The following VPS13B variants were observed in gnomAD, a reference collection of about 807,000 sequenced individuals.
The protein encoded by VPS13B is intermembrane lipid transfer protein VPS13B.
A neutral mutation model predicts 426.4 loss-of-function variants in VPS13B; 285 were observed. The observed-to-expected ratio is 0.67, with a 90% CI of 0.61 to 0.74. The LOEUF is 0.74. Ranked by LOEUF, VPS13B falls within the 30% of genes least tolerant of loss-of-function variation. The probability of loss-of-function intolerance (pLI) is 0.00; values close to 1 mark genes in which losing one functional copy is unlikely to be tolerated. For synonymous variants in VPS13B, 1,676 were observed against 1,676.4 expected (o/e 1.00, Z 0.01); for missense variants, 4,537 against 4,782.6 (o/e 0.95, Z 1.51).
rs1460610209 is a variant in VPS13B, at chr8:99,221,662, A to AT, written c.2515+28613dup. Among the ~76,000 whole-genome samples, 6 of 151,934 alleles carry AT rather than the reference A, an allele frequency of 3.9e-5. No individual in the cohort carries two copies. In the East Asian group the frequency reaches 1.2e-3, roughly 29 times the overall value. On this transcript the variant is annotated intron_variant, in intron 17 of 61. Transcript: ENST00000357162. ...CTCAGAGTTTTAAAACTTCTTTGAA[A>AT]TTTTTTTTGGTGGCCAATTTTGCAG...
chr8:99,494,145 G>T (rs971084763), intron 25 of VPS13B, among the ~76,000 whole-genome samples: 1 of 151,730 alleles, frequency 6.6e-6, no homozygotes, highest in Non-Finnish European at 1.5e-5. Flanking sequence ...TTTTGTTGTG[G>T]TACAATATAC....
At chr8:99,273,409 G>A (rs541265174) in intron 17 of VPS13B, among the ~76,000 whole-genome samples, 5 of 151,608 alleles carry the variant, frequency 3.3e-5, no homozygotes, top group Admixed American at 1.3e-4. Flanking sequence ...CTCGTGATCC[G>A]CTTGCCTAGG....
chr8:99,323,551 T>G (rs1810094083), intron 19 of VPS13B, among the ~76,000 whole-genome samples: 1 of 152,182 alleles, frequency 6.6e-6, no homozygotes, highest in Admixed American at 6.6e-5. Flanking sequence ...AACAAGGAAT[T>G]GAACCAATAT....
chr8:99,589,402 G>C (rs565602899), intron 33 of VPS13B, among the ~76,000 whole-genome samples: 1 of 151,298 alleles, frequency 6.6e-6, no homozygotes, highest in Non-Finnish European at 1.5e-5. Context: ...TCCCCTTCCT[G>C]TGTCCATGTG....
intron 33 of VPS13B, among the ~76,000 whole-genome samples, chr8:99,581,480 G>A (rs1391278343): frequency 6.6e-6 from 1 of 152,034 alleles, no homozygotes; most frequent in Admixed American, 6.6e-5. Flanking sequence ...GTTTTAGATG[G>A]GGTGAGGCCA....
At chr8:99,296,391 A>T (rs1384817185) in intron 19 of VPS13B, among the ~76,000 whole-genome samples, 3 of 152,184 alleles carry the variant, frequency 2.0e-5, no homozygotes, top group Non-Finnish European at 4.4e-5. Context: ...GAAGTACTAC[A>T]TATTTATATA....
intron 17 of VPS13B, among the ~76,000 whole-genome samples, chr8:99,203,175 G>A (rs1489924174): frequency 1.3e-5 from 2 of 152,068 alleles, no homozygotes; most frequent in Admixed American, 6.5e-5. Flanking sequence ...CGATCAAGTC[G>A]GCTTCATCCC....
intron 35 of VPS13B, among the ~76,000 whole-genome samples, chr8:99,682,267 C>G (rs1331215758): frequency 1.3e-5 from 2 of 152,190 alleles, no homozygotes; most frequent in Middle Eastern, 3.4e-3. Flanking sequence ...GAGTTTGAGA[C>G]CAACCTAACC....
chr8:99,430,050 A>G (rs574659262), intron 21 of VPS13B, among the ~76,000 whole-genome samples: 2 of 152,274 alleles, frequency 1.3e-5, no homozygotes, highest in East Asian at 3.9e-4. Flanking sequence ...TTTTTGTTTC[A>G]TCTGACTACT....
intron 17 of VPS13B, among the ~76,000 whole-genome samples, chr8:99,244,528 T>C (rs1382788609): frequency 1.3e-5 from 2 of 152,196 alleles, no homozygotes. Context: ...CTACCATGGT[T>C]ACAGAACAAA....
intron 35 of VPS13B, among the ~76,000 whole-genome samples, chr8:99,662,187 C>G (rs1337748559): frequency 1.3e-5 from 2 of 152,152 alleles, no homozygotes; most frequent in South Asian, 4.1e-4. Context: ...AGCTTAACTT[C>G]TGTACTACAC....
rs1554622718 is a variant in VPS13B, at chr8:99,115,823, GA to G, written c.889del (p.Ile297Ter). The G allele has an allele frequency of 6.2e-7, 1 of 1,613,590 alleles. No individual in the cohort carries two copies. The highest frequency in any genetic ancestry group is 1.1e-5 in the South Asian group (1 of 91,044). ...AGAAATAGGCAATTTTAAAGAAGGC[GA>G]AATAGAGGACCTTACTTGTCATAAT... is the stretch of plus-strand genomic sequence containing the variant. Reference protein sequence around the residue: ...YGEIGNFKEGEIEDLTCHNKD... With the variant: ...YGEIGNFKEGXIEDLTCHNKD... On this transcript the variant is annotated frameshift_variant, in exon 7 of 62. Transcript: ENST00000357162. LOFTEE classifies it high-confidence loss of function.
chr8:99,835,421 T>G (rs539139452), intron 53 of VPS13B, 97 bp downstream of exon 53: 1 of 1,501,258 alleles, frequency 6.7e-7, no homozygotes, highest in South Asian at 1.2e-5. Flanking sequence ...GAAAAAAATA[T>G]TTAAATAAAA....
intron 21 of VPS13B, among the ~76,000 whole-genome samples, chr8:99,423,435 T>G (rs1816494587): frequency 6.6e-6 from 1 of 151,136 alleles, no homozygotes; most frequent in Non-Finnish European, 1.5e-5. Flanking sequence ...TTTTTTTTTT[T>G]TTTTGTATTT....
intron 17 of VPS13B, among the ~76,000 whole-genome samples, chr8:99,198,368 ATT>A (rs1453605880): frequency 6.6e-6 from 1 of 151,830 alleles, no homozygotes; most frequent in African/African-American, 2.4e-5. Context: ...TTAAACTTTT[ATT>A]TTTATTAATT....
chr8:99,560,308 C>G (rs1419765459), intron 31 of VPS13B, among the ~76,000 whole-genome samples: 1 of 152,214 alleles, frequency 6.6e-6, no homozygotes, highest in Middle Eastern at 3.4e-3. Flanking sequence ...AGATTTTGGG[C>G]TGAGACGATG....
chr8:99,537,069 A>G (rs1201924986), intron 30 of VPS13B, among the ~76,000 whole-genome samples: 6 of 152,118 alleles, frequency 3.9e-5, no homozygotes, highest in Non-Finnish European at 7.4e-5. Context: ...ATATGTTTTG[A>G]TTTTTTAATC....
chr8:99,449,296 T>G (rs976298044), intron 23 of VPS13B, among the ~76,000 whole-genome samples: 1 of 152,190 alleles, frequency 6.6e-6, no homozygotes, highest in African/African-American at 2.4e-5. Flanking sequence ...ATAGTTAATA[T>G]TATGGTTAGG....
At chr8:99,583,850 C>T (rs770767619) in intron 33 of VPS13B, among the ~76,000 whole-genome samples, 3 of 152,034 alleles carry the variant, frequency 2.0e-5, no homozygotes, top group East Asian at 1.9e-4. Flanking sequence ...AGGAGTATGT[C>T]GATTTTCTGG....
Sources: allele counts gnomAD v4.1 joint callset (sites outside exome capture counted in the v4.1 genomes callset), GRCh38; gene constraint gnomAD v4.1.1; transcripts MANE v1.5; gene names NCBI Gene and HGNC (gene_info 2026-07-23, HGNC 2026-07-21).